Variants in MYLK observed in about 807,000 individuals in gnomAD.
The protein encoded by MYLK is myosin light chain kinase, also known as myosin light chain kinase, smooth muscle.
MYLK carries 106 observed loss-of-function variants against 203.4 expected under a neutral mutation model. That is an observed-to-expected ratio of 0.52 (90% CI 0.45 to 0.61). The LOEUF (loss-of-function observed/expected upper bound fraction) is 0.61, where lower values mean the gene tolerates loss of function less well. Among genes scored for constraint, MYLK ranks in the 20% least tolerant of loss-of-function variants. The pLI, the probability that MYLK is intolerant of heterozygous loss-of-function variation, is 0.00. For missense variants in MYLK, 2,072 were observed against 2,442.3 expected (o/e 0.85, Z 3.20); for synonymous variants, 867 against 959.5 (o/e 0.90, Z 1.78).
intron 4 of MYLK, among the ~76,000 whole-genome samples, chr3:123,776,596 T>C (rs1000788940): frequency 2.0e-5 from 3 of 152,234 alleles, no homozygotes; most frequent in Non-Finnish European, 4.4e-5. Flanking sequence ...ATATTCACCA[T>C]TAAAATTATG....
chr3:123,854,536 TCTCA>T (rs1265113028), intron 2 of MYLK, among the ~76,000 whole-genome samples: 12 of 152,264 alleles, frequency 7.9e-5, no homozygotes, highest in African/African-American at 2.6e-4. Flanking sequence ...GTACATATTT[TCTCA>T]CTGTTTAATT....
intron 24 of MYLK, among the ~76,000 whole-genome samples, chr3:123,654,791 A>G (rs187114212): frequency 5.4e-4 from 75 of 138,894 alleles, no homozygotes; most frequent in African/African-American, 1.9e-3. Context: ...ATCTTGGCTC[A>G]CTACAACCTC....
rs113028943 is a variant in MYLK, at chr3:123,747,397, G to A, written c.373+4934C>T. ...AGCAGGAGCTGCGGCACTGAGGGGT[G>A]GCTGGGGGTAGGGAGGAGGTGTGCT... On this transcript the variant is annotated intron_variant, in intron 5 of 33. Transcript: ENST00000360304. Among the ~76,000 whole-genome samples the A allele has an allele frequency of 5.6e-3, 847 of 152,316 alleles. 10 individuals carry two copies. Among genetic ancestry groups the A allele is most frequent in the African/African-American group, 0.019 (807 of 41,572 alleles).
chr3:123,745,128 CT>C (rs948677821), intron 5 of MYLK, among the ~76,000 whole-genome samples: 6 of 151,206 alleles, frequency 4.0e-5, no homozygotes, highest in South Asian at 2.1e-4. Flanking sequence ...TTACTGGGCT[CT>C]TTTTTTTTGT....
At chr3:123,800,545 G>A (rs1577016999) in intron 3 of MYLK, among the ~76,000 whole-genome samples, 3 of 152,168 alleles carry the variant, frequency 2.0e-5, no homozygotes, top group Non-Finnish European at 2.9e-5. Context: ...TGTTGAGCAC[G>A]ACTTTGCCTC....
intron 2 of MYLK, among the ~76,000 whole-genome samples, chr3:123,850,005 G>T (rs1204913703): frequency 2.0e-5 from 3 of 152,080 alleles, no homozygotes; most frequent in Non-Finnish European, 4.4e-5. Context: ...TTGGTTTTTT[G>T]TCCTTGCGAT....
rs534319105 is a variant in MYLK, at chr3:123,868,861, G to A, written c.-127+7698C>T. Among the ~76,000 whole-genome samples, 19 of 152,254 alleles carry A rather than the reference G, an allele frequency of 1.2e-4. No individual in the cohort carries two copies. In the South Asian group the frequency reaches 2.1e-3, roughly 17 times the overall value. On this transcript the variant is annotated intron_variant, in intron 2 of 33. Transcript: ENST00000360304. ...AATTGCAGCCTATTTTACATGCCAC[G>A]TTGAATAGCTGAAATTTTGTCTTTT...
chr3:123,630,082 GCTC>G (rs1559986780), intron 29 of MYLK, among the ~76,000 whole-genome samples: 1 of 152,040 alleles, frequency 6.6e-6, no homozygotes, highest in African/African-American at 2.4e-5. Flanking sequence ...CACACCTTCA[GCTC>G]CAAGAAGAGG....
intron 20 of MYLK, among the ~76,000 whole-genome samples, chr3:123,674,808 G>A (rs568871661): frequency 3.9e-5 from 6 of 152,284 alleles, no homozygotes; most frequent in South Asian, 4.1e-4. Context: ...TGGGCAGGTC[G>A]CCCCAGCTCA....
chr3:123,876,194 T>TTA (rs2033140630), intron 2 of MYLK, among the ~76,000 whole-genome samples: 1 of 151,194 alleles, frequency 6.6e-6, no homozygotes, highest in South Asian at 2.1e-4. Flanking sequence ...ATTTTTTTTT[T>TTA]AAAAAAACTA....
Position 123,640,682 on chromosome 3 carries a change from T to G in MYLK, c.4620-178A>C, listed in dbSNP as rs2058802467. On this transcript the variant is annotated intron_variant, in intron 27 of 33. Coordinates refer to ENST00000360304, the MANE Select transcript of MYLK (RefSeq NM_053025.4). This position sits in a 1 kb window ranked among gnomAD's most constrained non-coding sequence, Gnocchi z 4.3. ...ACATGGGAGAAGGGTCAGGGCCTCC[T>G]GGTTTCCCATCAGGGAACCCTGCCC... Among the ~76,000 whole-genome samples, 1 of 152,170 alleles carries G rather than the reference T, an allele frequency of 6.6e-6. No homozygotes were observed. The highest frequency in any genetic ancestry group is 1.5e-5 in the Non-Finnish European group (1 of 68,020).
chr3:123,629,563 T>C lies in MYLK; in HGVS notation c.5025A>G (p.Ser1675=), dbSNP rs776324960. ...CCTCGTCGTCGAAGTCCCAGGTGGC[T>C]GAGGTAACGTTGGCCAAGGTTTCGT... ...NDNETLANVT[S]ATWDFDDEAF... Residue 1675 remains serine, a synonymous_variant, in exon 30 of 34, where the codon TCA becomes TCG. Transcript: ENST00000360304. The surrounding 1 kb of genome is among the most constrained non-coding windows in gnomAD (Gnocchi z 4.4). 1 of 1,614,200 alleles carries C rather than the reference T, an allele frequency of 6.2e-7. No individual in the cohort carries two copies. The highest frequency in any genetic ancestry group is 8.5e-7 in the Non-Finnish European group (1 of 1,180,022).
At chr3:123,864,772 G>C (rs1006740116) in intron 2 of MYLK, among the ~76,000 whole-genome samples, 1 of 152,104 alleles carries the variant, frequency 6.6e-6, no homozygotes, top group Admixed American at 6.6e-5. Context: ...AGGCACGGTG[G>C]CATGTGCCTG....
chr3:123,629,572 G>A lies in MYLK; in HGVS notation c.5016C>T (p.Asn1672=), dbSNP rs774862641. 9 of 1,614,014 alleles carry A rather than the reference G, an allele frequency of 5.6e-6. No individual in the cohort carries two copies. Among genetic ancestry groups the A allele is most frequent in the Admixed American group, 3.3e-5 (2 of 60,010 alleles). The change falls in exon 30 of 34, where the codon AAC becomes AAT. Residue 1672 remains asparagine (N), a synonymous_variant. Transcript: ENST00000360304. This position sits in a 1 kb window ranked among gnomAD's most constrained non-coding sequence, Gnocchi z 4.4. The part of the protein sequence containing the change: ...MGDNDNETLA[N]VTSATWDFDD... ...CGAAGTCCCAGGTGGCTGAGGTAAC[G>A]TTGGCCAAGGTTTCGTTATCGTTGT...
At chr3:123,782,061 G>A (rs2064320430) in intron 4 of MYLK, among the ~76,000 whole-genome samples, 1 of 152,184 alleles carries the variant, frequency 6.6e-6, no homozygotes, top group Non-Finnish European at 1.5e-5. Context: ...AATTTCAGAT[G>A]TTGAAGCGTC....
In MYLK at chr3:123,707,776, C is replaced by T. The variant is rs554791878; in HGVS notation, c.2368G>A (p.Gly790Ser). Residue 790 changes from glycine to serine, a missense_variant, in exon 16 of 34, where the codon GGC (glycine) becomes AGC (serine). Around this residue, in one of 3 missense-constraint regions of MYLK, gnomAD observed 865 missense variants for 1,016.0 expected, o/e 0.85. Transcript: ENST00000360304. ...VLKKVQPWHA[G>S]QYEILLKNRV... is the part of the protein sequence containing the mutation. ...CACTTGAGCAGGATCTCATACTGGC[C>T]GGCATGCCAGGGCTGCACCTTCTTT... 88 of 1,614,196 alleles carry T rather than the reference C, an allele frequency of 5.5e-5. 2 individuals are homozygous for T. The highest frequency in any genetic ancestry group is 4.3e-4 in the South Asian group (39 of 91,078).
At chr3:123,647,149 C>G in intron 27 of MYLK, 75 bp downstream of exon 27, 1 of 1,373,868 alleles carries the variant, frequency 7.3e-7, no homozygotes, top group Non-Finnish European at 1.0e-6. Context: ...GCAGAGGTGG[C>G]TGGGGTAGGG....
At chr3:123,785,541 A>C (rs1451763919) in intron 4 of MYLK, among the ~76,000 whole-genome samples, 4 of 152,210 alleles carry the variant, frequency 2.6e-5, no homozygotes, top group Non-Finnish European at 5.9e-5. Context: ...AACAGATCAC[A>C]TTTTTCTTTG....
intron 2 of MYLK, among the ~76,000 whole-genome samples, chr3:123,859,219 G>T (rs1436278944): frequency 6.6e-6 from 1 of 152,196 alleles, no homozygotes; most frequent in Non-Finnish European, 1.5e-5. Context: ...ATTCAAACTG[G>T]AATGTGCAGA....
Sources: allele counts gnomAD v4.1 joint callset (sites outside exome capture counted in the v4.1 genomes callset), GRCh38; gene constraint gnomAD v4.1.1; regional missense constraint gnomAD v4.1.1; non-coding constraint Gnocchi (gnomAD v3.1); transcripts MANE v1.5; gene names NCBI Gene and HGNC (gene_info 2026-07-23, HGNC 2026-07-21).